MIS18BP1: variants seen among roughly 807,000 people sequenced by gnomAD.
The protein encoded by MIS18BP1 is MIS18 binding protein 1, also known as mis18-binding protein 1.
A neutral mutation model predicts 116.1 loss-of-function variants in MIS18BP1; 72 were observed. That is an observed-to-expected ratio of 0.62 (90% CI 0.51 to 0.75). The LOEUF (loss-of-function observed/expected upper bound fraction) is 0.75, where lower values mean the gene tolerates loss of function less well. Ranked by LOEUF, MIS18BP1 falls within the 30% of genes least tolerant of loss-of-function variation. The pLI is 0.00. For synonymous variants in MIS18BP1, 386 were observed against 427.0 expected (o/e 0.90, Z 1.18); for missense variants, 1,363 against 1,303.2 (o/e 1.05, Z -0.71).
chr14:45,249,522 T>C (rs1481765343), intron 1 of MIS18BP1, among the ~76,000 whole-genome samples: 3 of 152,184 alleles, frequency 2.0e-5, no homozygotes, highest in African/African-American at 7.2e-5. Flanking sequence ...ATGTCTGGCT[T>C]AGCTGTTCAT....
chr14:45,224,099 T>C lies in MIS18BP1; in HGVS notation c.2488A>G (p.Ile830Val). 1 of 1,612,402 alleles carries C rather than the reference T, an allele frequency of 6.2e-7. No homozygotes were observed. The highest frequency in any genetic ancestry group is 8.5e-7 in the Non-Finnish European group (1 of 1,179,672). The part of the protein sequence containing the change: ...ETEESENEFY[I>V]KQKKARPSVK... Reference sequence around the variant, plus strand: ...GAAGGTCTAGCTTTCTTTTGTTTGATATAAAATTCATTTTCACTTTCTTCA... The same window carrying C: ...GAAGGTCTAGCTTTCTTTTGTTTGACATAAAATTCATTTTCACTTTCTTCA... The change falls in exon 11 of 17, where the codon ATC (isoleucine) becomes GTC (valine). Residue 830 changes from isoleucine (I) to valine (V), a missense_variant. By Grantham distance (29) the Ile-to-Val change is conservative. Coordinates refer to ENST00000310806, the MANE Select transcript of MIS18BP1 (RefSeq NM_018353.5).
intron 4 of MIS18BP1, among the ~76,000 whole-genome samples, chr14:45,240,359 C>T (rs748315660): frequency 2.0e-5 from 3 of 152,126 alleles, no homozygotes; most frequent in Non-Finnish European, 4.4e-5. Context: ...TTTAGAAAGA[C>T]ATTTTGGGGC....
chr14:45,221,995 G>C (rs1890989080), intron 11 of MIS18BP1, among the ~76,000 whole-genome samples: 1 of 152,156 alleles, frequency 6.6e-6, no homozygotes, highest in Non-Finnish European at 1.5e-5. Context: ...CATTTGTAAT[G>C]TCTTTCTTTA....
rs1476687043 is a variant in MIS18BP1 at position 45,237,632 on chromosome 14, G to A, written c.1217+16C>T. The A allele has an allele frequency of 6.3e-7, 1 of 1,585,456 alleles. No homozygotes were observed. Among genetic ancestry groups the A allele is most frequent in the South Asian group, 1.2e-5 (1 of 85,326 alleles). ...ACTAAAGTTTTATTAAAAGAATAAT[G>A]AAATAGTATACTTACATCAATTTTC... On this transcript the variant is annotated intron_variant, in intron 5 of 16. Transcript: ENST00000310806.
chr14:45,250,788 A>G (rs1891848233), intron 1 of MIS18BP1, among the ~76,000 whole-genome samples: 1 of 151,990 alleles, frequency 6.6e-6, no homozygotes, highest in African/African-American at 2.4e-5. Context: ...TTGGGAGGCC[A>G]AGTGATCACG....
Position 45,205,757 on chromosome 14 carries a change from TG to T in MIS18BP1, c.3240+325del, listed in dbSNP as rs1890497468. On this transcript the variant is annotated intron_variant, in intron 15 of 16. Transcript: ENST00000310806. ...TCAGTCTGAATTATTCTTCAATCCT[TG>T]AACAGGATTGTTTTTGTGTTTTGTG... Among the ~76,000 whole-genome samples, 3 of 152,360 alleles carry T rather than the reference TG, an allele frequency of 2.0e-5. No individual in the cohort carries two copies. The South Asian group carries it at 6.2e-4, about 32-fold the overall frequency.
At position 45,237,355 on chromosome 14, in the gene MIS18BP1, A is replaced by G. The variant is rs537457083; in HGVS notation, c.1217+293T>C. Among the ~76,000 whole-genome samples, 3 of 152,358 alleles carry G rather than the reference A, an allele frequency of 2.0e-5. No homozygotes were observed. In the South Asian group the frequency reaches 6.2e-4, roughly 32 times the overall value. ...TGTAGTAAATATTAACTGATCATAT[A>G]TAATTAAGCAGATAATACCAGTCCA... On this transcript the variant is annotated intron_variant, in intron 5 of 16. Coordinates refer to ENST00000310806, the MANE Select transcript of MIS18BP1 (RefSeq NM_018353.5).
chr14:45,210,221 GA>G, intron 14 of MIS18BP1, 158 bp downstream of exon 14: 1 of 686,640 alleles, frequency 1.5e-6, no homozygotes, highest in South Asian at 2.4e-5. Context: ...ACCCCGATTT[GA>G]TGAACTTGTC....
intron 4 of MIS18BP1, among the ~76,000 whole-genome samples, chr14:45,238,062 A>G (rs1891474963): frequency 1.3e-5 from 2 of 152,146 alleles, no homozygotes; most frequent in African/African-American, 2.4e-5. Flanking sequence ...CAAAAAGCCC[A>G]GTAACTTGGA....
intron 9 of MIS18BP1, 29 bp from the exon 10 acceptor site, chr14:45,226,865 AT>A: frequency 7.6e-7 from 1 of 1,308,836 alleles, no homozygotes. Flanking sequence ...CCTAGGTTTT[AT>A]TTTAAAACTA....
intron 14 of MIS18BP1, among the ~76,000 whole-genome samples, chr14:45,208,575 G>A (rs1484224348): frequency 1.3e-5 from 2 of 151,960 alleles, no homozygotes; most frequent in Non-Finnish European, 2.9e-5. Flanking sequence ...CTTGTGATCC[G>A]TCGGCCTCAG....
chr14:45,231,002 A>C lies in MIS18BP1; in HGVS notation c.1594+139T>G, dbSNP rs1594516521. ...GTTACTTCTCATATAGTAGTGAAGA[A>C]GCAGGAATGTGGGGGCAGTATAAGT... On this transcript the variant is annotated intron_variant, in intron 8 of 16. Coordinates refer to ENST00000310806, the MANE Select transcript of MIS18BP1 (RefSeq NM_018353.5). 5.4e-6 allele frequency: 4 copies of C among 745,610 alleles called. No homozygotes were observed. The East Asian group carries it at 1.2e-4, about 23-fold the overall frequency. The allele number at this position is 745,610 out of a possible 1,614,324, so 46.2% of individuals were successfully genotyped here.
chr14:45,223,982 C>G lies in MIS18BP1; in HGVS notation c.2605G>C (p.Glu869Gln). The change falls in exon 11 of 17, where the codon GAA becomes CAA. Residue 869 changes from glutamate (E) to glutamine (Q), a missense_variant. Transcript: ENST00000310806. ...TCCTGAATTAAACCAGGTAAGCATTCTAAGGGATGCCTATTTGTCTTATCA... is the reference window on the plus strand; with the variant it reads ...TCCTGAATTAAACCAGGTAAGCATTGTAAGGGATGCCTATTTGTCTTATCA... ...GSDKTNRHPL[E>Q]CLPGLIQDKE... 6.2e-7 allele frequency: 1 copy of G among 1,610,980 alleles called. No homozygotes were observed. Among genetic ancestry groups the G allele is most frequent in the Non-Finnish European group, 8.5e-7 (1 of 1,179,274 alleles).
At position 45,235,964 on chromosome 14, in the gene MIS18BP1, T is replaced by C. The variant is rs1226833239; in HGVS notation, c.1218-20A>G. 6.3e-7 allele frequency: 1 copy of C among 1,580,198 alleles called. No homozygotes were observed. Among genetic ancestry groups the C allele is most frequent in the Non-Finnish European group, 8.6e-7 (1 of 1,161,588 alleles). On this transcript the variant is annotated intron_variant, in intron 5 of 16. Coordinates refer to ENST00000310806, the MANE Select transcript of MIS18BP1 (RefSeq NM_018353.5). ...ACGTCTCTAGGAAAAAAAAATAGTT[T>C]TGGTAAGGTCAAAATATTCATATAG...
rs749989869 is a variant in MIS18BP1 at position 45,247,157 on chromosome 14, C to G, written c.130G>C (p.Asp44His). The G allele has an allele frequency of 4.3e-6, 7 of 1,612,986 alleles. No homozygotes were observed. The highest frequency in any genetic ancestry group is 4.2e-6 in the Non-Finnish European group (5 of 1,179,970). Residue 44 changes from aspartate to histidine, a missense_variant, in exon 2 of 17, where the codon GAT (aspartate) becomes CAT (histidine). By Grantham distance (81) the Asp-to-His change is moderately conservative. Transcript: ENST00000310806. ...GAGGAGTTCTGATATTTCACCAAAT[C>G]TTTTACAGGAGTAAGTGTGCCTGAA... The part of the protein sequence containing the change: ...IPSGTLTPVK[D>H]LVKYQNSSLK...
At chr14:45,214,245 C>T (rs1890753534) in intron 13 of MIS18BP1, among the ~76,000 whole-genome samples, 1 of 152,218 alleles carries the variant, frequency 6.6e-6, no homozygotes, top group African/African-American at 2.4e-5. Context: ...TAGAATATCT[C>T]AGTGTAAAAC....
chr14:45,217,233 T>C, intron 12 of MIS18BP1, 54 bp from the exon 13 acceptor site: 1 of 1,549,622 alleles, frequency 6.5e-7, no homozygotes, highest in South Asian at 1.2e-5. Context: ...TAGTAACTGC[T>C]CTATAAAGTT....
At chr14:45,230,732 A>G (rs1891250170) in intron 8 of MIS18BP1, among the ~76,000 whole-genome samples, 4 of 151,986 alleles carry the variant, frequency 2.6e-5, no homozygotes, top group Admixed American at 2.6e-4. Flanking sequence ...CGATCCTCCC[A>G]CCTTAGCCTC....
chr14:45,244,092 CT>C (rs1212459887), intron 2 of MIS18BP1, among the ~76,000 whole-genome samples: 3 of 152,164 alleles, frequency 2.0e-5, no homozygotes, highest in African/African-American at 7.2e-5. Context: ...ATGTCACTGT[CT>C]TGGAAATGCA....
Sources: gnomAD v4.1 joint callset for allele counts (sites outside exome capture counted in the v4.1 genomes callset) on GRCh38, gnomAD v4.1.1 for gene constraint, MANE v1.5 for transcripts, NCBI Gene and HGNC (gene_info 2026-07-23, HGNC 2026-07-21) for gene names.